The following DRGX variants were observed in gnomAD, a reference collection of about 807,000 sequenced individuals.
The protein encoded by DRGX is dorsal root ganglia homeobox protein.
DRGX carries 21 observed loss-of-function variants against 28.6 expected under a neutral mutation model. That is an observed-to-expected ratio of 0.73 (90% CI 0.52 to 1.06). The LOEUF (loss-of-function observed/expected upper bound fraction) is 1.06. Ranked by LOEUF, DRGX falls within the 50% of genes least tolerant of loss-of-function variation. The probability of loss-of-function intolerance (pLI) is 0.00; values close to 1 mark genes in which losing one functional copy is unlikely to be tolerated. For missense variants in DRGX, 354 were observed against 343.9 expected (o/e 1.03, Z -0.23); for synonymous variants, 136 against 139.1 (o/e 0.98, Z 0.16).
At chr10:49,384,545 G>A (rs929463226) in intron 6 of DRGX, among the ~76,000 whole-genome samples, 5 of 152,342 alleles carry the variant, frequency 3.3e-5, no homozygotes, top group East Asian at 3.9e-4. Context: ...GCTCCGGGGC[G>A]GGGTGGCAGG....
intron 6 of DRGX, among the ~76,000 whole-genome samples, chr10:49,373,623 G>A (rs1014601620): frequency 2.0e-5 from 3 of 152,156 alleles, no homozygotes; most frequent in African/African-American, 7.2e-5. Context: ...CAAGGACACA[G>A]CAACAAGATA....
chr10:49,380,959 C>T (rs1294688414), intron 6 of DRGX, among the ~76,000 whole-genome samples: 1 of 152,170 alleles, frequency 6.6e-6, no homozygotes, highest in African/African-American at 2.4e-5. Flanking sequence ...TCTCCTCATT[C>T]AGTCTTATGA....
chr10:49,385,356 G>T (rs1849820765), intron 6 of DRGX, among the ~76,000 whole-genome samples: 1 of 152,138 alleles, frequency 6.6e-6, no homozygotes. Context: ...CAGGATCCTG[G>T]CATCCAGGGC....
intron 6 of DRGX, among the ~76,000 whole-genome samples, chr10:49,384,303 G>C (rs567903352): frequency 6.6e-6 from 1 of 152,206 alleles, no homozygotes; most frequent in Admixed American, 6.5e-5. Flanking sequence ...CTGGAAACAC[G>C]GTATGTCGCC....
At chr10:49,367,416 T>G (rs1336677730) in intron 6 of DRGX, among the ~76,000 whole-genome samples, 2 of 151,972 alleles carry the variant, frequency 1.3e-5, no homozygotes, top group African/African-American at 4.8e-5. Flanking sequence ...AGAAAAACAT[T>G]ATTTTTCTTT....
chr10:49,378,709 T>G (rs1045031544), intron 6 of DRGX, among the ~76,000 whole-genome samples: 1 of 152,178 alleles, frequency 6.6e-6, no homozygotes, highest in African/African-American at 2.4e-5. Flanking sequence ...TGGAAAAGAA[T>G]AGACAAACTG....
intron 2 of DRGX, among the ~76,000 whole-genome samples, chr10:49,394,502 C>G (rs1413758346): frequency 6.6e-6 from 1 of 152,210 alleles, no homozygotes; most frequent in Non-Finnish European, 1.5e-5. Flanking sequence ...TCCCAATACC[C>G]CAGTGCTGAG....
chr10:49,388,209 T>TC (rs1452369187), intron 4 of DRGX, among the ~76,000 whole-genome samples: 46 of 152,356 alleles, frequency 3.0e-4, no homozygotes, highest in African/African-American at 1.0e-3. Context: ...TCAAGGAGTT[T>TC]CCAGAGGTCA....
In DRGX at chr10:49,395,412, A is replaced by C. The variant is rs182583486; in HGVS notation, c.29T>G (p.Leu10Arg). The C allele has an allele frequency of 2.6e-6, 4 of 1,550,270 alleles. No individual in the cohort carries two copies. The Admixed American group carries it at 7.8e-5, about 30-fold the overall frequency. MFYFHCPPQ[L>R]EGTATFGNHS... is the part of the protein sequence containing the mutation. Reference sequence around the variant, plus strand: ...GGGGCGCAGCGCTTACTTACCCTCTAGCTGTGGCGGGCAGTGGAAATAAAA... The same window carrying C: ...GGGGCGCAGCGCTTACTTACCCTCTCGCTGTGGCGGGCAGTGGAAATAAAA... Residue 10 changes from leucine to arginine, a missense_variant, in exon 2 of 7, where the codon CTA (leucine) becomes CGA (arginine). Coordinates refer to ENST00000374139, the MANE Select transcript of DRGX (RefSeq NM_001276451.2).
chr10:49,389,859 A>T (rs560985578), intron 4 of DRGX, among the ~76,000 whole-genome samples: 3 of 150,528 alleles, frequency 2.0e-5, no homozygotes, highest in African/African-American at 7.3e-5. Context: ...TTTTTTTCCA[A>T]AGCAAGGAAA....
chr10:49,374,917 G>A (rs1045609665), intron 6 of DRGX, among the ~76,000 whole-genome samples: 5 of 152,300 alleles, frequency 3.3e-5, no homozygotes, highest in East Asian at 1.9e-4. Flanking sequence ...TTTATGAGAC[G>A]TCTAACGCAA....
chr10:49,384,666 C>T (rs1314370697), intron 6 of DRGX, among the ~76,000 whole-genome samples: 1 of 152,180 alleles, frequency 6.6e-6, no homozygotes. Context: ...CAGCACCACC[C>T]CCTCCTGTCC....
At chr10:49,394,125 A>C (rs1849940401) in intron 2 of DRGX, among the ~76,000 whole-genome samples, 1 of 151,816 alleles carries the variant, frequency 6.6e-6, no homozygotes, top group Non-Finnish European at 1.5e-5. Context: ...CATAAAACCC[A>C]CCCTGCATGG....
At position 49,391,190 on chromosome 10, in the gene DRGX, T is replaced by G; in HGVS notation, c.106A>C (p.Asn36His). 1 of 1,613,398 alleles carries G rather than the reference T, an allele frequency of 6.2e-7. No individual in the cohort carries two copies. Among genetic ancestry groups the G allele is most frequent in the Non-Finnish European group, 8.5e-7 (1 of 1,179,692 alleles). Reference protein sequence around the residue: ...DGFLRRKQRRNRTTFTLQQLE... With the variant: ...DGFLRRKQRRHRTTFTLQQLE... ...TGCTGAAGAGTGAACGTCGTCCGGT[T>G]CCGGCGCTGTTTTCTACGCAGAAAC... Residue 36 changes from asparagine (N) to histidine (H), a missense_variant, in exon 3 of 7, where the codon AAC (asparagine) becomes CAC (histidine). Asn to His is a moderately conservative substitution (Grantham distance 68). Transcript: ENST00000374139.
Position 49,391,272 on chromosome 10 carries a change from C to T in DRGX, c.35-11G>A. The T allele has an allele frequency of 6.2e-7, 1 of 1,605,764 alleles. No homozygotes were observed. The highest frequency in any genetic ancestry group is 8.5e-7 in the Non-Finnish European group (1 of 1,175,994). Reference sequence around the variant, plus strand: ...CAAAGGTTGCAGTGCCTACCAAGAGCAAACTGATCAACCTGGGCAGGAAGG... The same window carrying T: ...CAAAGGTTGCAGTGCCTACCAAGAGTAAACTGATCAACCTGGGCAGGAAGG... On this transcript the variant is annotated splice_polypyrimidine_tract_variant and intron_variant, in intron 2 of 6. Coordinates refer to ENST00000374139, the MANE Select transcript of DRGX (RefSeq NM_001276451.2).
chr10:49,366,080 CG>C lies in DRGX; in HGVS notation c.*35del. On this transcript the variant is annotated 3_prime_UTR_variant, in exon 7 of 7. Coordinates refer to ENST00000374139, the MANE Select transcript of DRGX (RefSeq NM_001276451.2). Reference sequence around the variant, plus strand: ...GGGCTGAGGCTGGGAGAAGGAGGGGCGGGGGAGGGCAGGCCGGGCGGGGCAC... The same window carrying C: ...GGGCTGAGGCTGGGAGAAGGAGGGGCGGGGAGGGCAGGCCGGGCGGGGCAC... 1 of 1,184,936 alleles carries C rather than the reference CG, an allele frequency of 8.4e-7. No homozygotes were observed. The allele number at this position is 1,184,936 out of a possible 1,614,324, so 73.4% of individuals were successfully genotyped here.
chr10:49,391,416 C>T lies in DRGX; in HGVS notation c.35-155G>A, dbSNP rs1027732619. 3.6e-5 allele frequency: 23 copies of T among 643,556 alleles called. No homozygotes were observed. The African/African-American group carries it at 3.8e-4, about 11-fold the overall frequency. 39.9% of individuals were successfully genotyped at this position (643,556 alleles called of 1,614,324 possible). A position where few individuals can be genotyped will look rare whatever the true frequency, so the allele number is the denominator to read the frequency against. ...TCTGTTCCTCCTATTAAATCCTCCTCTTTTCCACTCTGTCCCCAAAACCTC... is the reference window on the plus strand; with the variant it reads ...TCTGTTCCTCCTATTAAATCCTCCTTTTTTCCACTCTGTCCCCAAAACCTC... On this transcript the variant is annotated intron_variant, in intron 2 of 6. Transcript: ENST00000374139.
chr10:49,366,370 AC>A lies in DRGX; in HGVS notation c.537del (p.Cys180AlafsTer32). 1 of 1,603,374 alleles carries A rather than the reference AC, an allele frequency of 6.2e-7. No homozygotes were observed. Among genetic ancestry groups the A allele is most frequent in the Non-Finnish European group, 8.5e-7 (1 of 1,171,882 alleles). On this transcript the variant is annotated frameshift_variant, in exon 7 of 7. Coordinates refer to ENST00000374139, the MANE Select transcript of DRGX (RefSeq NM_001276451.2). LOFTEE classifies it high-confidence loss of function. The stretch of plus-strand genomic sequence containing the variant: ...ATGGGGTCTGGGACGCAGCAAGAGC[AC>A]AGTGGGCCCCCTGGAAAAGGAAAAA... ...SHVASLKGGP[L>X]CSCCVPDPMG...
At chr10:49,395,723 G>C (rs1849961652) in intron 1 of DRGX, among the ~76,000 whole-genome samples, 1 of 152,180 alleles carries the variant, frequency 6.6e-6, no homozygotes. Context: ...CCTCCCGGAC[G>C]GCCGTGCCCT....
Sources: gnomAD v4.1 joint callset for allele counts (sites outside exome capture counted in the v4.1 genomes callset) on GRCh38, gnomAD v4.1.1 for gene constraint, MANE v1.5 for transcripts, NCBI Gene and HGNC (gene_info 2026-07-23, HGNC 2026-07-21) for gene names.